The following UNC5C variants were observed in gnomAD, a reference collection of about 807,000 sequenced individuals.
The protein encoded by UNC5C is unc-5 netrin receptor C.
In UNC5C, 47 loss-of-function variants were observed where a neutral mutation model predicts 99.8. The observed-to-expected ratio is 0.47, with a 90% CI of 0.37 to 0.60. The LOEUF is 0.60. Among genes scored for constraint, UNC5C ranks in the 20% least tolerant of loss-of-function variants. The pLI is 0.00. For missense variants in UNC5C, 1,062 were observed against 1,165.9 expected (o/e 0.91, Z 1.30); for synonymous variants, 487 against 452.2 (o/e 1.08, Z -0.98).
At chr4:95,329,865 C>T (rs4235419) in intron 2 of UNC5C, among the ~76,000 whole-genome samples, 59,442 of 151,890 alleles carry the variant, frequency 0.39, 13,487 homozygotes, top group East Asian at 0.83. Context: ...ACTATGCCCA[C>T]CACTGAAACC....
rs373097384 is a variant in UNC5C, at chr4:95,242,393, C to T, written c.1108+36G>A. 1.8e-5 allele frequency: 29 copies of T among 1,611,586 alleles called. No individual in the cohort carries two copies. In the African/African-American group the frequency reaches 3.7e-4, roughly 21 times the overall value. ...AACTCCAAATGGTTCAATCTCCAGCCCCCTCAATGTCTGCAGTTTGCTTAA... is the reference window on the plus strand; with the variant it reads ...AACTCCAAATGGTTCAATCTCCAGCTCCCTCAATGTCTGCAGTTTGCTTAA... On this transcript the variant is annotated intron_variant, in intron 7 of 15. Transcript: ENST00000453304.
intron 10 of UNC5C, 106 bp from the exon 11 acceptor site, chr4:95,206,902 C>A: frequency 5.3e-4 from 271 of 510,400 alleles, no homozygotes; most frequent in Non-Finnish European, 7.1e-4. Context: ...TCCTGGAATT[C>A]TTTTTTTTTT....
intron 1 of UNC5C, among the ~76,000 whole-genome samples, chr4:95,380,894 T>C (rs1297199526): frequency 6.6e-6 from 1 of 152,190 alleles, no homozygotes; most frequent in African/African-American, 2.4e-5. Context: ...CCAGGGACCA[T>C]GTGACAACTG....
intron 2 of UNC5C, among the ~76,000 whole-genome samples, chr4:95,324,239 CT>C (rs1172602652): frequency 2.6e-5 from 4 of 152,094 alleles, no homozygotes; most frequent in Non-Finnish European, 5.9e-5. Flanking sequence ...GCATTAGATT[CT>C]CATAGGAGCA....
At position 95,166,247 on chromosome 4, in the gene UNC5C, G is replaced by C. The variant is rs1010298016; in HGVS notation, c.*2987C>G. On this transcript the variant is annotated 3_prime_UTR_variant, in exon 16 of 16. Coordinates refer to ENST00000453304, the MANE Select transcript of UNC5C (RefSeq NM_003728.4). Reference sequence around the variant, plus strand: ...TTGATGAAGTGGCTTCCTATGAAATGAACTGTTATATCTGGACCTTCTAAG... The same window carrying C: ...TTGATGAAGTGGCTTCCTATGAAATCAACTGTTATATCTGGACCTTCTAAG... 6.6e-6 allele frequency: 1 copy of C among 152,216 alleles called. No homozygotes were observed. The highest frequency in any genetic ancestry group is 1.5e-5 in the Non-Finnish European group (1 of 68,044). The allele number at this position is 152,216 out of a possible 1,614,324, so 9.4% of individuals were successfully genotyped here.
At chr4:95,460,862 G>T (rs1302521446) in intron 1 of UNC5C, among the ~76,000 whole-genome samples, 1 of 152,146 alleles carries the variant, frequency 6.6e-6, no homozygotes, top group Non-Finnish European at 1.5e-5. Flanking sequence ...TACTGGGATA[G>T]GATTACACAG....
At chr4:95,316,809 G>C (rs1352816378) in intron 2 of UNC5C, among the ~76,000 whole-genome samples, 1 of 151,762 alleles carries the variant, frequency 6.6e-6, no homozygotes, top group African/African-American at 2.4e-5. Flanking sequence ...AAAGTTTCTT[G>C]GTATTCAGCA....
chr4:95,314,917 T>C (rs796615626), intron 2 of UNC5C, among the ~76,000 whole-genome samples: 46 of 152,300 alleles, frequency 3.0e-4, no homozygotes, highest in African/African-American at 1.1e-3. Context: ...ATTGTGAAAA[T>C]AATATTTTGT....
chr4:95,471,586 C>T lies in UNC5C; in HGVS notation c.124+77148G>A, dbSNP rs145344813. 3.8e-3 allele frequency among the ~76,000 whole-genome samples: 582 copies of T among 152,196 alleles called. 1 individual carries two copies. The highest frequency in any genetic ancestry group is 5.9e-3 in the Non-Finnish European group (400 of 68,000). On this transcript the variant is annotated intron_variant, in intron 1 of 15. Coordinates refer to ENST00000453304, the MANE Select transcript of UNC5C (RefSeq NM_003728.4). ...CAAGACTCACTGCCTGTCAACATGG[C>T]CCTCAAATTCATTGATATCATGACA...
chr4:95,534,116 G>T (rs1722717781), intron 1 of UNC5C, among the ~76,000 whole-genome samples: 1 of 152,182 alleles, frequency 6.6e-6, no homozygotes, highest in Admixed American at 6.5e-5. Flanking sequence ...TGAGGAAGTT[G>T]GGGAGGAGGG....
chr4:95,354,479 A>ATATTTTTTTTTT, intron 1 of UNC5C, among the ~76,000 whole-genome samples: 13 of 110,334 alleles, frequency 1.2e-4, no homozygotes, highest in South Asian at 2.9e-4. Flanking sequence ...ATATATATAT[A>ATATTTTTTTTTT]TTTTTTTTTT....
chr4:95,540,594 T>C (rs1424151660), intron 1 of UNC5C, among the ~76,000 whole-genome samples: 2 of 152,216 alleles, frequency 1.3e-5, no homozygotes, highest in African/African-American at 2.4e-5. Flanking sequence ...CCATAATCAA[T>C]GTTTCATTTA....
chr4:95,375,725 G>C (rs1332451173), intron 1 of UNC5C, among the ~76,000 whole-genome samples: 1 of 152,132 alleles, frequency 6.6e-6, no homozygotes, highest in Non-Finnish European at 1.5e-5. Flanking sequence ...AATAAAATAA[G>C]CATGCTCATT....
intron 1 of UNC5C, among the ~76,000 whole-genome samples, chr4:95,481,878 C>A (rs562067382): frequency 3.2e-4 from 49 of 151,738 alleles, no homozygotes; most frequent in South Asian, 1.2e-3. Flanking sequence ...TTAAAGACTT[C>A]AATGTTAAAC....
chr4:95,166,496 A>G lies in UNC5C; in HGVS notation c.*2738T>C, dbSNP rs1167449812. The G allele has an allele frequency of 5.9e-5, 9 of 152,162 alleles. No homozygotes were observed. The highest frequency in any genetic ancestry group is 4.6e-4 in the Admixed American group (7 of 15,282). The allele number at this position is 152,162 out of a possible 1,614,324, so 9.4% of individuals were successfully genotyped here. A position where few individuals can be genotyped will look rare whatever the true frequency, so the allele number is the denominator to read the frequency against. On this transcript the variant is annotated 3_prime_UTR_variant, in exon 16 of 16. Transcript: ENST00000453304. ...CAAAAAAGCATCTGAAGTGAACCCCAAGGGTTCTCAGTGACTTCAGTAAGA... is the reference window on the plus strand; with the variant it reads ...CAAAAAAGCATCTGAAGTGAACCCCGAGGGTTCTCAGTGACTTCAGTAAGA...
In UNC5C at chr4:95,335,495, A is replaced by C; in HGVS notation, c.261T>G (p.Pro87=). ...KPVNLYCKAS[P]ATQIYFKCNS... Reference sequence around the variant, plus strand: ...TACACTTGAAATAGATCTGGGTGGCAGGGCTTGCTTTACAGTACAGGTTCA... The same window carrying C: ...TACACTTGAAATAGATCTGGGTGGCCGGGCTTGCTTTACAGTACAGGTTCA... Residue 87 remains proline (P), a synonymous_variant, in exon 2 of 16, where the codon CCT becomes CCG. Transcript: ENST00000453304. 1 of 1,612,490 alleles carries C rather than the reference A, an allele frequency of 6.2e-7. No homozygotes were observed. Among genetic ancestry groups the C allele is most frequent in the Non-Finnish European group, 8.5e-7 (1 of 1,178,956 alleles).
At chr4:95,234,108 CTG>C (rs1446221127) in intron 7 of UNC5C, among the ~76,000 whole-genome samples, 1 of 152,080 alleles carries the variant, frequency 6.6e-6, no homozygotes, top group East Asian at 1.9e-4. Flanking sequence ...GTCCTGTTCT[CTG>C]TGTCTCTCTC....
At chr4:95,321,764 C>T (rs1250110926) in intron 2 of UNC5C, among the ~76,000 whole-genome samples, 2 of 152,196 alleles carry the variant, frequency 1.3e-5, no homozygotes, top group Non-Finnish European at 2.9e-5. Context: ...GAAAACATTA[C>T]ACCTTTCAAT....
chr4:95,344,570 G>A (rs978113107), intron 1 of UNC5C, among the ~76,000 whole-genome samples: 2 of 152,024 alleles, frequency 1.3e-5, no homozygotes, highest in African/African-American at 4.8e-5. Context: ...ATTCTGGTAT[G>A]TAATCTACTC....
Sources: allele counts gnomAD v4.1 joint callset (sites outside exome capture counted in the v4.1 genomes callset), GRCh38; gene constraint gnomAD v4.1.1; transcripts MANE v1.5; gene names NCBI Gene and HGNC (gene_info 2026-07-23, HGNC 2026-07-21).